The following RAB7A variants were observed in gnomAD, a reference collection of about 807,000 sequenced individuals.
RAB7A encodes RAB7A, member RAS oncogene family, also known as ras-related protein Rab-7a.
RAB7A carries 2 observed loss-of-function variants against 24.5 expected under a neutral mutation model. The observed-to-expected ratio is 0.08, with a 90% CI of 0.03 to 0.26. The LOEUF (loss-of-function observed/expected upper bound fraction) is 0.26, where lower values mean the gene tolerates loss of function less well. Among genes scored for constraint, RAB7A ranks in the 10% least tolerant of loss-of-function variants. RAB7A has a pLI of 1.00. For synonymous variants in RAB7A, 100 were observed against 95.9 expected, an observed-to-expected ratio of 1.04 and a Z score of -0.25; for missense variants, 118 against 255.7, an observed-to-expected ratio of 0.46 and a Z score of 3.67.
chr3:128,813,101 A>T (rs553849260), intron 5 of RAB7A, among the ~76,000 whole-genome samples: 2 of 152,304 alleles, frequency 1.3e-5, no homozygotes, highest in Admixed American at 1.3e-4. Flanking sequence ...CTCTCTTCAC[A>T]TTGACCTGGA....
chr3:128,746,274 T>G (rs890997234), intron 1 of RAB7A, among the ~76,000 whole-genome samples: 3 of 152,064 alleles, frequency 2.0e-5, no homozygotes, highest in Admixed American at 6.6e-5. Context: ...AGCTTTTAAA[T>G]TTTTCTTTGA....
intron 1 of RAB7A, among the ~76,000 whole-genome samples, chr3:128,763,875 C>G (rs1361274726): frequency 6.7e-5 from 8 of 120,072 alleles, no homozygotes; most frequent in Non-Finnish European, 1.0e-4. Flanking sequence ...CCCCCCCCCC[C>G]GCCCCTGCTT....
chr3:128,734,196 G>T (rs1457149149), intron 1 of RAB7A, among the ~76,000 whole-genome samples: 2 of 152,058 alleles, frequency 1.3e-5, no homozygotes, highest in Admixed American at 6.6e-5. Flanking sequence ...TTGGGAGACC[G>T]AGGTGGGCGG....
intron 1 of RAB7A, among the ~76,000 whole-genome samples, chr3:128,778,177 G>C (rs1933137734): frequency 6.6e-6 from 1 of 152,188 alleles, no homozygotes; most frequent in South Asian, 2.1e-4. Flanking sequence ...CTGTATAGTA[G>C]AACTGTCCAA....
chr3:128,789,469 A>G (rs1395373657), intron 1 of RAB7A, among the ~76,000 whole-genome samples: 1 of 148,720 alleles, frequency 6.7e-6, no homozygotes, highest in Non-Finnish European at 1.5e-5. Flanking sequence ...CCGAGTAGTT[A>G]TTACAGGTGT....
At chr3:128,764,634 G>A (rs1417850336) in intron 1 of RAB7A, 36 of 1,113,456 alleles carry the variant, frequency 3.2e-5, no homozygotes, top group Non-Finnish European at 4.9e-5. Context: ...CACACAAATG[G>A]GGGTCATTTT....
chr3:128,728,328 TAAC>T (rs758375095), intron 1 of RAB7A, among the ~76,000 whole-genome samples: 10 of 152,222 alleles, frequency 6.6e-5, no homozygotes, highest in Non-Finnish European at 1.5e-4. Flanking sequence ...TTGTTAATTT[TAAC>T]AACAGCATTT....
chr3:128,764,807 T>A (rs2070812423), intron 1 of RAB7A: 1 of 904,028 alleles, frequency 1.1e-6, no homozygotes, highest in African/African-American at 1.6e-5. Context: ...TGCAGCTTCA[T>A]CAGTTTCTCG....
chr3:128,809,263 G>A (rs565998372), intron 5 of RAB7A, among the ~76,000 whole-genome samples: 1 of 152,328 alleles, frequency 6.6e-6, no homozygotes, highest in East Asian at 1.9e-4. Context: ...CAGGGTGCCA[G>A]GTTGCTTTCC....
chr3:128,766,721 A>G (rs1376755433), intron 1 of RAB7A, among the ~76,000 whole-genome samples: 1 of 151,930 alleles, frequency 6.6e-6, no homozygotes, highest in Non-Finnish European at 1.5e-5. Flanking sequence ...TTTATTTTTT[A>G]TAGAGATGGG....
At chr3:128,740,897 CAAAAAAAA>C (rs59043831) in intron 1 of RAB7A, among the ~76,000 whole-genome samples, 3 of 79,568 alleles carry the variant, frequency 3.8e-5, no homozygotes, top group African/African-American at 7.5e-5. Flanking sequence ...GGAGATGTCT[CAAAAAAAA>C]AAAAAAAAAA....
intron 1 of RAB7A, among the ~76,000 whole-genome samples, chr3:128,728,232 G>A (rs1247902583): frequency 6.6e-6 from 1 of 152,176 alleles, no homozygotes; most frequent in African/African-American, 2.4e-5. Context: ...AGAACTTGAG[G>A]CTTTTTGGAA....
In RAB7A at chr3:128,775,899, T is replaced by C. The variant is rs74357365; in HGVS notation, c.-8-19461T>C. Among the ~76,000 whole-genome samples the C allele has an allele frequency of 3.9e-4, 59 of 152,296 alleles. 1 individual carries two copies. In the East Asian group the frequency reaches 0.011, roughly 28 times the overall value. ...CATTACCTCACATACTTTTTTTTTGTGGTGTGAATGTTTAAAATCTAGTCT... is the reference window on the plus strand; with the variant it reads ...CATTACCTCACATACTTTTTTTTTGCGGTGTGAATGTTTAAAATCTAGTCT... On this transcript the variant is annotated intron_variant, in intron 1 of 5. Coordinates refer to ENST00000265062, the MANE Select transcript of RAB7A (RefSeq NM_004637.6).
chr3:128,735,323 A>T (rs993718316), intron 1 of RAB7A, among the ~76,000 whole-genome samples: 1 of 151,722 alleles, frequency 6.6e-6, no homozygotes, highest in African/African-American at 2.4e-5. Flanking sequence ...CTAATTTGGG[A>T]ATGACTGTAT....
chr3:128,729,986 G>C (rs1430643563), intron 1 of RAB7A, among the ~76,000 whole-genome samples: 1 of 152,148 alleles, frequency 6.6e-6, no homozygotes, highest in African/African-American at 2.4e-5. Context: ...GCTTGCTGTT[G>C]ATGATTCTTA....
chr3:128,732,970 G>GT (rs2070453539), intron 1 of RAB7A, among the ~76,000 whole-genome samples: 1 of 152,326 alleles, frequency 6.6e-6, no homozygotes, highest in Non-Finnish European at 1.5e-5. Flanking sequence ...AGGAATAGCT[G>GT]TATTTTTCAA....
chr3:128,756,022 C>T lies in RAB7A; in HGVS notation c.-9+29663C>T, dbSNP rs561476774. 3.9e-5 allele frequency among the ~76,000 whole-genome samples: 6 copies of T among 152,252 alleles called. No homozygotes were observed. In the South Asian group the frequency reaches 1.2e-3, roughly 32 times the overall value. The stretch of plus-strand genomic sequence containing the variant: ...TCAGCAAAATTGCAGGTTACAGAAT[C>T]AACAAAAGTTCTGTTTCTATAACAT... On this transcript the variant is annotated intron_variant, in intron 1 of 5. Transcript: ENST00000265062.
intron 1 of RAB7A, among the ~76,000 whole-genome samples, chr3:128,780,036 G>A (rs1358143115): frequency 6.6e-6 from 1 of 152,190 alleles, no homozygotes; most frequent in Non-Finnish European, 1.5e-5. Context: ...GAGAGAAGCT[G>A]TATTCTCATG....
At chr3:128,791,416 T>C (rs990797917) in intron 1 of RAB7A, among the ~76,000 whole-genome samples, 6 of 152,164 alleles carry the variant, frequency 3.9e-5, no homozygotes, top group African/African-American at 1.4e-4. Flanking sequence ...GCTGGGATTA[T>C]AGGCGTGAGC....
Sources: gnomAD v4.1 joint callset for allele counts (sites outside exome capture counted in the v4.1 genomes callset) on GRCh38, gnomAD v4.1.1 for gene constraint, MANE v1.5 for transcripts, NCBI Gene and HGNC (gene_info 2026-07-23, HGNC 2026-07-21) for gene names.